MOV10: variants seen among roughly 807,000 people sequenced by gnomAD.
The protein encoded by MOV10 is Mov10 RNA helicase.
Under a neutral mutation model 108.4 loss-of-function variants are expected in MOV10, and 39 were observed. The ratio of observed to expected loss-of-function variants is 0.36; its 90% CI spans 0.28 to 0.47. The LOEUF (loss-of-function observed/expected upper bound fraction) is 0.47, where lower values mean the gene tolerates loss of function less well. Among genes scored for constraint, MOV10 ranks in the 20% least tolerant of loss-of-function variants. The pLI, the probability that MOV10 is intolerant of heterozygous loss-of-function variation, is 1.00. For missense variants in MOV10, 952 were observed against 1,297.6 expected, an observed-to-expected ratio of 0.73 and a Z score of 4.09; for synonymous variants, 490 against 523.1, an observed-to-expected ratio of 0.94 and a Z score of 0.86.
At position 112,694,593 on chromosome 1, in the gene MOV10, G is replaced by C; in HGVS notation, c.1436G>C (p.Arg479Pro). ...CCCATGCTCTTTCCTGTGGCACCTC[G>C]GGACGTCCCGCTGCTGCCCTCAGAT... The part of the protein sequence containing the change: ...LWPMLFPVAP[R>P]DVPLLPSDVK... The change falls in exon 9 of 21, where the codon CGG becomes CCG. Residue 479 changes from arginine (R) to proline (P), a missense_variant. Around this residue, in one of 5 missense-constraint regions of MOV10, gnomAD observed 453 missense variants for 611.5 expected, o/e 0.74. Transcript: ENST00000369645. The surrounding 1 kb of genome is among the most constrained non-coding windows in gnomAD (Gnocchi z 4.1). 6.2e-7 allele frequency: 1 copy of C among 1,611,230 alleles called. No homozygotes were observed. Among genetic ancestry groups the C allele is most frequent in the Non-Finnish European group, 8.5e-7 (1 of 1,178,332 alleles).
intron 2 of MOV10, among the ~76,000 whole-genome samples, chr1:112,684,069 G>C (rs1672870707): frequency 6.6e-6 from 1 of 151,892 alleles, no homozygotes; most frequent in South Asian, 2.1e-4. Flanking sequence ...TCACACCTCA[G>C]CCTCCTGAGT....
rs906982130 is a variant in MOV10, at chr1:112,699,650, T to A, written c.2584-35T>A. The A allele has an allele frequency of 1.9e-6, 3 of 1,613,820 alleles. No individual in the cohort carries two copies. The South Asian group carries it at 3.3e-5, about 18-fold the overall frequency. ...GGGTAGGGCACCCCTTTGACACCCCTGGCTGGTCTCAGGCCCTGCCTCTTT... is the reference window on the plus strand; with the variant it reads ...GGGTAGGGCACCCCTTTGACACCCCAGGCTGGTCTCAGGCCCTGCCTCTTT... On this transcript the variant is annotated intron_variant, in intron 17 of 20. Transcript: ENST00000369645.
At chr1:112,698,634 C>T in intron 16 of MOV10, 81 bp from the exon 17 acceptor site, 1 of 1,513,084 alleles carries the variant, frequency 6.6e-7, no homozygotes, top group Non-Finnish European at 9.2e-7. Context: ...CCTTTGTTCC[C>T]CAGCTCCCTG....
chr1:112,695,935 G>C (rs1011977807), intron 11 of MOV10, among the ~76,000 whole-genome samples: 1 of 152,152 alleles, frequency 6.6e-6, no homozygotes, highest in Non-Finnish European at 1.5e-5. Flanking sequence ...CCAGCTACTC[G>C]GGAGGCTGAG....
chr1:112,680,003 A>G (rs1302338217), intron 2 of MOV10, among the ~76,000 whole-genome samples: 1 of 152,146 alleles, frequency 6.6e-6, no homozygotes, highest in African/African-American at 2.4e-5. Context: ...GTTTGTGTGC[A>G]AGGATAGTTA....
intron 14 of MOV10, among the ~76,000 whole-genome samples, chr1:112,697,418 T>C (rs1674203888): frequency 6.6e-6 from 1 of 152,104 alleles, no homozygotes; most frequent in Admixed American, 6.5e-5. Flanking sequence ...TGCAGTGAGC[T>C]GAGATCGCGC....
chr1:112,693,946 G>C, intron 7 of MOV10, 72 bp from the exon 8 acceptor site: 1 of 1,472,258 alleles, frequency 6.8e-7, no homozygotes, highest in Non-Finnish European at 9.4e-7. Flanking sequence ...TTAAAGGTCT[G>C]GGGAACCTGG....
chr1:112,688,228 C>A, intron 2 of MOV10: 1 of 387,302 alleles, frequency 2.6e-6, no homozygotes, highest in Non-Finnish European at 3.5e-6. Context: ...CATAACAGGC[C>A]TCCGTAAGTG....
intron 2 of MOV10, among the ~76,000 whole-genome samples, chr1:112,683,242 T>C (rs915391553): frequency 3.3e-5 from 5 of 152,006 alleles, no homozygotes; most frequent in Non-Finnish European, 7.4e-5. Flanking sequence ...TACAAGTCAT[T>C]TTGTGGACTT....
intron 2 of MOV10, among the ~76,000 whole-genome samples, chr1:112,685,653 CAATAAAATAA>C (rs141836635): frequency 6.0e-4 from 84 of 139,276 alleles, no homozygotes; most frequent in Non-Finnish European, 9.0e-4. Flanking sequence ...GATTCCGTCT[CAATAAAATAA>C]AATAAAATAA....
Position 112,699,908 on chromosome 1 carries a change from T to C in MOV10, c.2724T>C (p.Ala908=). The change falls in exon 19 of 21, where the codon GCT becomes GCC. Residue 908 remains alanine (A), a synonymous_variant. Transcript: ENST00000369645. ...FLKNPKRFNV[A]VTRAKALLII... ...CTTCCTTCCAGAGGTTCAATGTAGCTGTGACCCGGGCCAAGGCCCTGCTCA... is the reference window on the plus strand; with the variant it reads ...CTTCCTTCCAGAGGTTCAATGTAGCCGTGACCCGGGCCAAGGCCCTGCTCA... 1 of 1,614,168 alleles carries C rather than the reference T, an allele frequency of 6.2e-7. No homozygotes were observed.
Position 112,689,986 on chromosome 1 carries a change from G to T in MOV10, c.724G>T (p.Ala242Ser). ...FYIARFLAAV[A>S]HSPLAAQLKP... is the part of the protein sequence containing the mutation. ...CATTGCCCGCTTCTTGGCTGCCGTC[G>T]CCCACAGCCCCCTGGCTGCACAGCT... The change falls in exon 5 of 21, where the codon GCC (alanine) becomes TCC (serine). Residue 242 changes from alanine to serine, a missense_variant. This residue lies in a region of MOV10 where 374 missense variants were observed against 468.6 expected (regional missense o/e 0.80). Coordinates refer to ENST00000369645, the MANE Select transcript of MOV10 (RefSeq NM_001321324.2). 6.2e-7 allele frequency: 1 copy of T among 1,614,082 alleles called. No individual in the cohort carries two copies. The highest frequency in any genetic ancestry group is 2.2e-5 in the East Asian group (1 of 44,878).
In MOV10 at chr1:112,700,568, C is replaced by G; in HGVS notation, c.*61C>G. On this transcript the variant is annotated 3_prime_UTR_variant, in exon 21 of 21. Transcript: ENST00000369645. ...CTTAACTGCCTGCCTGACCCTGAAC[C>G]AGAACCCAGCTGAACTGCCCCTCCA... is the stretch of plus-strand genomic sequence containing the variant. 1 of 1,595,490 alleles carries G rather than the reference C, an allele frequency of 6.3e-7. No homozygotes were observed. Among genetic ancestry groups the G allele is most frequent in the Admixed American group, 1.8e-5 (1 of 56,280 alleles).
At position 112,696,147 on chromosome 1, in the gene MOV10, G is replaced by C. The variant is rs1174716440; in HGVS notation, c.1780-1G>C. 1 of 1,609,512 alleles carries C rather than the reference G, an allele frequency of 6.2e-7. No homozygotes were observed. The highest frequency in any genetic ancestry group is 1.3e-5 in the African/African-American group (1 of 74,860). On this transcript the variant is annotated splice_acceptor_variant, in intron 11 of 20. Coordinates refer to ENST00000369645, the MANE Select transcript of MOV10 (RefSeq NM_001321324.2). LOFTEE classifies it high-confidence loss of function. ...TCCTCTGGTCCCTTCACAATCCACA[G>C]CCCTGCTGCAACTGGGACGCAAAGA...
chr1:112,682,083 C>T (rs1036101503), intron 2 of MOV10, among the ~76,000 whole-genome samples: 5 of 151,812 alleles, frequency 3.3e-5, no homozygotes, highest in African/African-American at 7.3e-5. Flanking sequence ...TTAGTAGAGA[C>T]GGGGTTTCAC....
chr1:112,690,505 G>A (rs970048673), intron 5 of MOV10, among the ~76,000 whole-genome samples: 6 of 151,896 alleles, frequency 4.0e-5, no homozygotes, highest in Non-Finnish European at 8.8e-5. Flanking sequence ...GATTACAGGC[G>A]CCCACTACAA....
intron 18 of MOV10, 35 bp downstream of exon 18, chr1:112,699,845 C>G: frequency 6.2e-7 from 1 of 1,614,014 alleles, no homozygotes. Flanking sequence ...GGAATTCTTC[C>G]ATTCTCGGGG....
chr1:112,697,353 C>T (rs761742985), intron 14 of MOV10, among the ~76,000 whole-genome samples: 21 of 152,196 alleles, frequency 1.4e-4, no homozygotes, highest in Non-Finnish European at 2.5e-4. Flanking sequence ...ACCTGTAATT[C>T]CAGTTACTTG....
intron 2 of MOV10, among the ~76,000 whole-genome samples, chr1:112,684,076 G>A (rs911436168): frequency 6.6e-6 from 1 of 151,034 alleles, no homozygotes; most frequent in Admixed American, 6.6e-5. Flanking sequence ...TCAGCCTCCT[G>A]AGTAGCTGGG....
Sources: gnomAD v4.1 joint callset for allele counts (sites outside exome capture counted in the v4.1 genomes callset) on GRCh38, gnomAD v4.1.1 for gene constraint, gnomAD v4.1.1 regional missense constraint, Gnocchi (gnomAD v3.1) non-coding constraint, MANE v1.5 for transcripts, NCBI Gene and HGNC (gene_info 2026-07-23, HGNC 2026-07-21) for gene names.